Variants in TMTC1 observed in about 807,000 individuals in gnomAD.
TMTC1 encodes the protein protein O-mannosyl-transferase TMTC1.
Under a neutral mutation model 104.8 loss-of-function variants are expected in TMTC1, and 73 were observed. The ratio of observed to expected loss-of-function variants is 0.70; its 90% confidence interval spans 0.58 to 0.85. The LOEUF is 0.85. Ranked by LOEUF, TMTC1 falls within the 40% of genes least tolerant of loss-of-function variation. The pLI is 0.00. For synonymous variants in TMTC1, 434 were observed against 428.7 expected (o/e 1.01, Z -0.15); for missense variants, 1,035 against 1,096.1 (o/e 0.94, Z 0.79).
At chr12:29,669,459 A>C (rs1191213464) in intron 5 of TMTC1, among the ~76,000 whole-genome samples, 2 of 152,108 alleles carry the variant, frequency 1.3e-5, no homozygotes, top group African/African-American at 4.8e-5. Context: ...TAGAGTGCCC[A>C]CTCTGAAGTC....
intron 10 of TMTC1, among the ~76,000 whole-genome samples, chr12:29,536,929 T>C (rs1193640908): frequency 6.6e-6 from 1 of 152,252 alleles, no homozygotes; most frequent in African/African-American, 2.4e-5. Context: ...TAATTCTGTC[T>C]TCTTCATTTG....
At chr12:29,728,869 G>A (rs1276864039) in intron 5 of TMTC1, among the ~76,000 whole-genome samples, 4 of 151,418 alleles carry the variant, frequency 2.6e-5, no homozygotes, top group Non-Finnish European at 1.5e-5. Flanking sequence ...GTGGGGGCTG[G>A]TGCCTGTAAC....
At chr12:29,601,643 T>TACTATA (rs1946567918) in intron 7 of TMTC1, among the ~76,000 whole-genome samples, 2 of 152,200 alleles carry the variant, frequency 1.3e-5, no homozygotes, top group South Asian at 2.1e-4. Flanking sequence ...CAGGGATGTG[T>TACTATA]TTTCCAGCTC....
At chr12:29,552,768 G>C (rs1298438904) in intron 10 of TMTC1, among the ~76,000 whole-genome samples, 1 of 152,148 alleles carries the variant, frequency 6.6e-6, no homozygotes, top group African/African-American at 2.4e-5. Flanking sequence ...TTAAGTTCCA[G>C]GTTATAAAGA....
intron 5 of TMTC1, 33 bp from the exon 6 acceptor site, chr12:29,633,369 C>T: frequency 6.5e-7 from 1 of 1,531,444 alleles, no homozygotes; most frequent in Non-Finnish European, 8.9e-7. Flanking sequence ...TGAAACACTG[C>T]TCAAGAACCA....
In TMTC1 at chr12:29,501,074, G is replaced by A. The variant is rs1305286181; in HGVS notation, c.*5772C>T. The A allele has an allele frequency of 1.3e-5, 2 of 152,504 alleles. No homozygotes were observed. The highest frequency in any genetic ancestry group is 2.9e-5 in the Non-Finnish European group (2 of 68,032). The allele number at this position is 152,504 out of a possible 1,614,324, so 9.4% of individuals were successfully genotyped here. ...AAATCATTTCCCCCTGACAAAAGGA[G>A]GGATCTGCGTGAATTACAGCAAATC... On this transcript the variant is annotated 3_prime_UTR_variant, in exon 18 of 18. Transcript: ENST00000539277.
At chr12:29,662,289 G>A (rs1940066244) in intron 5 of TMTC1, among the ~76,000 whole-genome samples, 1 of 151,986 alleles carries the variant, frequency 6.6e-6, no homozygotes, top group South Asian at 2.1e-4. Flanking sequence ...GTTCTATAAG[G>A]TAAGAAATCC....
At chr12:29,775,966 G>A (rs1202691538) in intron 1 of TMTC1, among the ~76,000 whole-genome samples, 1 of 152,070 alleles carries the variant, frequency 6.6e-6, no homozygotes, top group Non-Finnish European at 1.5e-5. Context: ...CAAGGGATCA[G>A]AAGTTTCCTC....
chr12:29,698,484 C>T (rs1941489174), intron 5 of TMTC1, among the ~76,000 whole-genome samples: 1 of 152,144 alleles, frequency 6.6e-6, no homozygotes, highest in Non-Finnish European at 1.5e-5. Flanking sequence ...AAGAGTTCAC[C>T]ATCACACCTA....
rs147401805 is a variant in TMTC1 at position 29,637,508 on chromosome 12, G to T, written c.939-4172C>A. ...AATTCAGCTTAAACAATTTAGTCATGCATTTTCATTGATAAGCCAGAAAAG... is the reference window on the plus strand; with the variant it reads ...AATTCAGCTTAAACAATTTAGTCATTCATTTTCATTGATAAGCCAGAAAAG... On this transcript the variant is annotated intron_variant, in intron 5 of 17. Coordinates refer to ENST00000539277, the MANE Select transcript of TMTC1 (RefSeq NM_001193451.2). 2.0e-5 allele frequency among the ~76,000 whole-genome samples: 3 copies of T among 152,270 alleles called. No individual in the cohort carries two copies. In the East Asian group the frequency reaches 5.8e-4, roughly 29 times the overall value.
intron 6 of TMTC1, among the ~76,000 whole-genome samples, chr12:29,605,557 C>A: frequency 1.7e-5 from 2 of 115,958 alleles, no homozygotes; most frequent in Non-Finnish European, 3.5e-5. Flanking sequence ...TCTACCAAAA[C>A]TGACCAAAAA....
At chr12:29,755,637 T>A (rs1415960177) in intron 4 of TMTC1, 72 bp downstream of exon 4, 44 of 1,276,078 alleles carry the variant, frequency 3.4e-5, no homozygotes, top group Non-Finnish European at 4.5e-5. Flanking sequence ...TAAATGGAAG[T>A]TTGGAAACTA....
intron 5 of TMTC1, among the ~76,000 whole-genome samples, chr12:29,708,376 C>T (rs1472959665): frequency 6.6e-6 from 1 of 152,122 alleles, no homozygotes; most frequent in Non-Finnish European, 1.5e-5. Flanking sequence ...ATGAACAGCG[C>T]AGAGCAAATG....
At chr12:29,709,393 A>G (rs1023396418) in intron 5 of TMTC1, among the ~76,000 whole-genome samples, 1 of 152,224 alleles carries the variant, frequency 6.6e-6, no homozygotes, top group African/African-American at 2.4e-5. Context: ...ATTCACTTAA[A>G]AAAGCTTCAG....
chr12:29,622,454 T>C (rs1937722331), intron 6 of TMTC1, among the ~76,000 whole-genome samples: 1 of 152,220 alleles, frequency 6.6e-6, no homozygotes, highest in African/African-American at 2.4e-5. Flanking sequence ...TTTCCTGATA[T>C]ATGTCACTTT....
intron 5 of TMTC1, among the ~76,000 whole-genome samples, chr12:29,636,252 T>C (rs1415947001): frequency 6.6e-6 from 1 of 152,198 alleles, no homozygotes; most frequent in African/African-American, 2.4e-5. Flanking sequence ...TGGGGTTCTT[T>C]ATGCCACTTT....
intron 5 of TMTC1, among the ~76,000 whole-genome samples, chr12:29,684,012 G>C (rs920807150): frequency 6.6e-5 from 10 of 151,990 alleles, no homozygotes; most frequent in Non-Finnish European, 1.5e-4. Flanking sequence ...CCCAGCTAAT[G>C]TTTTATATTT....
intron 5 of TMTC1, among the ~76,000 whole-genome samples, chr12:29,651,940 G>C (rs1052707175): frequency 6.6e-6 from 1 of 152,086 alleles, no homozygotes. Context: ...ATTCCCCAGT[G>C]GAAGAGATGC....
chr12:29,727,052 T>A (rs1942412484), intron 5 of TMTC1, among the ~76,000 whole-genome samples: 1 of 152,208 alleles, frequency 6.6e-6, no homozygotes, highest in Non-Finnish European at 1.5e-5. Context: ...CAAATGCAAT[T>A]ATTAAATAAA....
Sources: allele counts gnomAD v4.1 joint callset (sites outside exome capture counted in the v4.1 genomes callset), GRCh38; gene constraint gnomAD v4.1.1; transcripts MANE v1.5; gene names NCBI Gene and HGNC (gene_info 2026-07-23, HGNC 2026-07-21).